The following ALG8 variants were observed in gnomAD, a reference collection of about 807,000 sequenced individuals.
ALG8 encodes the protein dolichyl pyrophosphate Glc1Man9GlcNAc2 alpha-1,3-glucosyltransferase.
Under a neutral mutation model 70.2 loss-of-function variants are expected in ALG8, and 48 were observed. That is an observed-to-expected ratio of 0.68 (90% CI 0.54 to 0.87). The LOEUF (loss-of-function observed/expected upper bound fraction) is 0.87, where lower values mean the gene tolerates loss of function less well. Ranked by LOEUF, ALG8 falls within the 40% of genes least tolerant of loss-of-function variation. The pLI is 0.00. For missense variants in ALG8, 572 were observed against 608.7 expected, an observed-to-expected ratio of 0.94 and a Z score of 0.64; for synonymous variants, 234 against 229.0, an observed-to-expected ratio of 1.02 and a Z score of -0.20.
At chr11:78,103,184 G>A (rs2136873232) in intron 12 of ALG8, among the ~76,000 whole-genome samples, 1 of 152,010 alleles carries the variant, frequency 6.6e-6, no homozygotes, top group East Asian at 1.9e-4. Context: ...AATTAGCCGG[G>A]CACAGCAGCT....
chr11:78,136,417 G>T (rs1044644541), intron 1 of ALG8, among the ~76,000 whole-genome samples: 4 of 152,108 alleles, frequency 2.6e-5, no homozygotes, highest in African/African-American at 9.7e-5. Flanking sequence ...ATCTGTCTTT[G>T]TCCCAGCTAT....
intron 10 of ALG8, among the ~76,000 whole-genome samples, chr11:78,105,707 T>C (rs1859996619): frequency 1.4e-5 from 1 of 73,424 alleles, no homozygotes. Context: ...TTAACTATCT[T>C]TTTTTTTTTT....
At chr11:78,119,038 T>G in intron 5 of ALG8, 144 bp downstream of exon 5, 2 of 654,044 alleles carry the variant, frequency 3.1e-6, no homozygotes, top group Non-Finnish European at 5.4e-6. Flanking sequence ...ATGGAATTTG[T>G]GAGAAATACC....
chr11:78,129,575 C>T (rs1241758551), intron 1 of ALG8, among the ~76,000 whole-genome samples: 2 of 152,138 alleles, frequency 1.3e-5, no homozygotes, highest in Admixed American at 1.3e-4. Flanking sequence ...TTCAGGGACT[C>T]ACAGGGAGAC....
At chr11:78,102,577 T>G (rs1049865357) in intron 12 of ALG8, among the ~76,000 whole-genome samples, 2 of 152,198 alleles carry the variant, frequency 1.3e-5, no homozygotes, top group African/African-American at 4.8e-5. Context: ...AATTGCTGGG[T>G]CACATGGCTA....
intron 2 of ALG8, among the ~76,000 whole-genome samples, chr11:78,124,961 T>C (rs1860999203): frequency 6.6e-6 from 1 of 152,064 alleles, no homozygotes; most frequent in African/African-American, 2.4e-5. Context: ...AATGAGTAAA[T>C]GAAAACAGAA....
chr11:78,107,234 T>C (rs962676800), intron 9 of ALG8, among the ~76,000 whole-genome samples: 8 of 146,794 alleles, frequency 5.4e-5, no homozygotes, highest in Admixed American at 1.4e-4. Context: ...ATTTTTTGTT[T>C]TTTTGAGACG....
chr11:78,104,220 G>A, intron 11 of ALG8, 136 bp downstream of exon 11: 1 of 987,584 alleles, frequency 1.0e-6, no homozygotes, highest in Non-Finnish European at 1.5e-6. Flanking sequence ...ACAGGAAATT[G>A]GAGGTTTTAT....
intron 3 of ALG8, 81 bp from the exon 4 acceptor site, chr11:78,121,255 C>A: frequency 1.1e-5 from 10 of 910,298 alleles, no homozygotes; most frequent in Non-Finnish European, 1.6e-5. Flanking sequence ...AACTATGATA[C>A]ATTAGTCATT....
At chr11:78,120,467 A>T (rs1336362448) in intron 4 of ALG8, among the ~76,000 whole-genome samples, 3 of 151,778 alleles carry the variant, frequency 2.0e-5, no homozygotes, top group Non-Finnish European at 2.9e-5. Flanking sequence ...ATTAAGCCTC[A>T]GAGACATTCA....
In ALG8 at chr11:78,119,145, T is replaced by C. The variant is rs372050285; in HGVS notation, c.546+37A>G. 3 of 1,524,570 alleles carry C rather than the reference T, an allele frequency of 2.0e-6. No homozygotes were observed. In the African/African-American group the frequency reaches 4.1e-5, roughly 21 times the overall value. 94.4% of individuals were successfully genotyped at this position (1,524,570 alleles called of 1,614,324 possible). ...TCCCTTTACAATCTAAAAACTAATCTAAAAGGGAAAAAATCTAATTAAACA... is the reference window on the plus strand; with the variant it reads ...TCCCTTTACAATCTAAAAACTAATCCAAAAGGGAAAAAATCTAATTAAACA... On this transcript the variant is annotated intron_variant, in intron 5 of 12. Transcript: ENST00000299626.
intron 3 of ALG8, 84 bp from the exon 4 acceptor site, chr11:78,121,258 T>C (rs1565355636): frequency 2.0e-6 from 2 of 980,090 alleles, no homozygotes; most frequent in East Asian, 2.4e-5. Context: ...TATGATACAT[T>C]AGTCATTCCT....
rs965433623 is a variant in ALG8, at chr11:78,139,487, C to T, written c.95+7G>A. On this transcript the variant is annotated splice_region_variant and intron_variant, in intron 1 of 12. Coordinates refer to ENST00000299626, the MANE Select transcript of ALG8 (RefSeq NM_024079.5). ...CCGCCCAGCCCCTGGCCGTGCGAGT[C>T]CCTTACTATGTGGGGATGAGAAGGC... 9 of 1,555,178 alleles carry T rather than the reference C, an allele frequency of 5.8e-6. No individual in the cohort carries two copies. The highest frequency in any genetic ancestry group is 1.7e-4 in the Middle Eastern group (1 of 6,016).
rs537610088 is a variant in ALG8 at position 78,111,498 on chromosome 11, C to T, written c.898+1152G>A. Among the ~76,000 whole-genome samples the T allele has an allele frequency of 2.0e-5, 3 of 152,350 alleles. No individual in the cohort carries two copies. The East Asian group carries it at 5.8e-4, about 29-fold the overall frequency. On this transcript the variant is annotated intron_variant, in intron 8 of 12. Coordinates refer to ENST00000299626, the MANE Select transcript of ALG8 (RefSeq NM_024079.5). ...TGAGCCTCCAAACCAAGTCATCAGA[C>T]TCTAGGTCTGGAGTCCACAAACTAT...
chr11:78,128,969 C>G (rs1401077870), intron 1 of ALG8, among the ~76,000 whole-genome samples: 1 of 152,022 alleles, frequency 6.6e-6, no homozygotes, highest in East Asian at 1.9e-4. Context: ...TGGAGACAGA[C>G]ACCTCCAACT....
intron 2 of ALG8, among the ~76,000 whole-genome samples, chr11:78,127,132 C>A (rs527718542): frequency 6.6e-6 from 1 of 152,138 alleles, no homozygotes; most frequent in Non-Finnish European, 1.5e-5. Context: ...GTGCCCACCA[C>A]CACACCCAGC....
At chr11:78,105,520 T>C (rs1054382046) in intron 10 of ALG8, among the ~76,000 whole-genome samples, 2 of 151,952 alleles carry the variant, frequency 1.3e-5, no homozygotes, top group Non-Finnish European at 2.9e-5. Flanking sequence ...AGACAGGGAA[T>C]AAGCCTGTTT....
chr11:78,119,713 G>A (rs764580632), intron 4 of ALG8, among the ~76,000 whole-genome samples: 7 of 152,128 alleles, frequency 4.6e-5, no homozygotes, highest in Non-Finnish European at 8.8e-5. Context: ...ACAGGCGTCA[G>A]CCACTGCACC....
chr11:78,103,923 A>C, intron 12 of ALG8, 57 bp downstream of exon 12: 2 of 959,698 alleles, frequency 2.1e-6, no homozygotes, highest in Non-Finnish European at 3.2e-6. Flanking sequence ...TTATTTGACC[A>C]CTTAGGTGTA....
Sources: gnomAD v4.1 joint callset for allele counts (sites outside exome capture counted in the v4.1 genomes callset) on GRCh38, gnomAD v4.1.1 for gene constraint, MANE v1.5 for transcripts, NCBI Gene and HGNC (gene_info 2026-07-23, HGNC 2026-07-21) for gene names.